The following PRELID3A variants were observed in gnomAD, a reference collection of about 807,000 sequenced individuals.
PRELID3A encodes PRELI domain containing protein 3A.
PRELID3A carries 27 observed loss-of-function variants against 23.0 expected under a neutral mutation model. The ratio of observed to expected loss-of-function variants is 1.17; its 90% CI spans 0.87 to 1.62. PRELID3A has a LOEUF of 1.62. Ranked by LOEUF, PRELID3A falls within the 40% of genes most tolerant of loss-of-function variation. The pLI is 0.00. For synonymous variants in PRELID3A, 87 were observed against 86.4 expected, an observed-to-expected ratio of 1.01 and a Z score of -0.04; for missense variants, 231 against 231.4, an observed-to-expected ratio of 1.00 and a Z score of 0.01.
rs1384024142 is a variant in PRELID3A, at chr18:12,429,415, C to CCTGTA, written c.*16_*17insACTGT. The stretch of plus-strand genomic sequence containing the variant: ...GCGCTGTGAGCTAAGGAGGCCTGTG[C>CCTGTA]CTGTGCTTGTCATAAATGGTGGTGA... On this transcript the variant is annotated 3_prime_UTR_variant, in exon 6 of 7. Transcript: ENST00000440960. 2 of 1,612,448 alleles carry CCTGTA rather than the reference C, an allele frequency of 1.2e-6. No individual in the cohort carries two copies. The highest frequency in any genetic ancestry group is 8.5e-7 in the Non-Finnish European group (1 of 1,178,824).
intron 2 of PRELID3A, among the ~76,000 whole-genome samples, chr18:12,420,898 G>A (rs1475455562): frequency 2.0e-5 from 3 of 151,892 alleles, no homozygotes; most frequent in Non-Finnish European, 4.4e-5. Context: ...CAAAGGGCCC[G>A]GGCCTGCTGG....
intron 1 of PRELID3A, chr18:12,420,102 C>G (rs1416164446): frequency 3.5e-5 from 49 of 1,418,666 alleles, no homozygotes; most frequent in Non-Finnish European, 4.5e-5. Flanking sequence ...GAGACCCTGT[C>G]TCAGACAAAC....
intron 1 of PRELID3A, among the ~76,000 whole-genome samples, chr18:12,410,221 G>A (rs966589234): frequency 3.9e-5 from 6 of 152,200 alleles, no homozygotes; most frequent in African/African-American, 1.4e-4. Flanking sequence ...GCCGGGGCCC[G>A]GCGCCTAGCA....
chr18:12,428,685 C>G (rs141656460), intron 5 of PRELID3A, among the ~76,000 whole-genome samples: 111 of 152,276 alleles, frequency 7.3e-4, no homozygotes, highest in African/African-American at 2.3e-3. Flanking sequence ...GGTAGGGCAG[C>G]GAAGGCCAAA....
At chr18:12,415,662 C>T (rs1281001065) in intron 1 of PRELID3A, among the ~76,000 whole-genome samples, 1 of 152,172 alleles carries the variant, frequency 6.6e-6, no homozygotes, top group African/African-American at 2.4e-5. Flanking sequence ...TAACAGTTAC[C>T]CTCTGGCAGC....
At chr18:12,430,678 A>AAGTG (rs1555677853) in intron 6 of PRELID3A, among the ~76,000 whole-genome samples, 1 of 149,464 alleles carries the variant, frequency 6.7e-6, no homozygotes, top group Non-Finnish European at 1.5e-5. Flanking sequence ...TATGATGTGT[A>AAGTG]TGTGATTGGT....
At chr18:12,408,553 G>C (rs545584883) in intron 1 of PRELID3A, among the ~76,000 whole-genome samples, 52 of 152,300 alleles carry the variant, frequency 3.4e-4, no homozygotes, top group Middle Eastern at 3.4e-3. Flanking sequence ...TGTAGGCATG[G>C]AAGGCCTCCA....
At chr18:12,417,655 T>C (rs559958) in intron 1 of PRELID3A, among the ~76,000 whole-genome samples, 3,465 of 152,324 alleles carry the variant, frequency 0.023, 133 homozygotes, top group African/African-American at 0.079. Flanking sequence ...GACTATTCAT[T>C]GAGGAGGCTC....
At chr18:12,429,025 G>A (rs990621420) in intron 5 of PRELID3A, among the ~76,000 whole-genome samples, 3 of 152,220 alleles carry the variant, frequency 2.0e-5, no homozygotes, top group African/African-American at 4.8e-5. Context: ...TTGGGGGTGC[G>A]TGGAGGTGTC....
intron 6 of PRELID3A, among the ~76,000 whole-genome samples, chr18:12,429,659 C>A (rs1275515132): frequency 6.6e-6 from 1 of 152,220 alleles, no homozygotes. Context: ...GCTTGAGCTG[C>A]GGCCCTCTGG....
chr18:12,422,868 C>T (rs1350340309), intron 3 of PRELID3A, among the ~76,000 whole-genome samples: 1 of 152,240 alleles, frequency 6.6e-6, no homozygotes, highest in Non-Finnish European at 1.5e-5. Context: ...CATCTGGCCT[C>T]ACTTTTCTGT....
chr18:12,418,603 C>G (rs1455868136), intron 1 of PRELID3A, among the ~76,000 whole-genome samples: 17 of 152,252 alleles, frequency 1.1e-4, no homozygotes, highest in Admixed American at 1.1e-3. Context: ...TCTCTGGGCA[C>G]TTCTGAAGAA....
intron 6 of PRELID3A, among the ~76,000 whole-genome samples, chr18:12,429,784 G>A (rs555383162): frequency 2.6e-5 from 4 of 152,228 alleles, no homozygotes; most frequent in Non-Finnish European, 5.9e-5. Flanking sequence ...CTGACAGGGC[G>A]CTGTCCTTTG....
intron 1 of PRELID3A, chr18:12,410,617 CCTTT>C (rs796642514): frequency 2.0e-5 from 3 of 152,190 alleles, no homozygotes; most frequent in African/African-American, 7.2e-5. Context: ...GGATTATAGA[CCTTT>C]CTTTTTCTTT....
intron 1 of PRELID3A, among the ~76,000 whole-genome samples, chr18:12,416,256 G>T (rs1054809885): frequency 2.0e-5 from 3 of 152,012 alleles, no homozygotes; most frequent in Non-Finnish European, 4.4e-5. Context: ...GTCTATTTTT[G>T]CCCATTGAAA....
intron 1 of PRELID3A, among the ~76,000 whole-genome samples, chr18:12,411,127 A>G (rs966051019): frequency 1.3e-5 from 2 of 152,128 alleles, no homozygotes; most frequent in African/African-American, 2.4e-5. Context: ...GCCCGGGGAA[A>G]GGCCACTGAA....
rs867131027 is a variant in PRELID3A, at chr18:12,424,862, G to A, written c.292-2179G>A. On this transcript the variant is annotated intron_variant, in intron 3 of 6. Transcript: ENST00000440960. The stretch of plus-strand genomic sequence containing the variant: ...ATTTTAAGCTATTTATGGCCAGTGC[G>A]GTGGCCCACGCCTGTAATCCCAGCA... Among the ~76,000 whole-genome samples the A allele has an allele frequency of 5.3e-5, 8 of 152,182 alleles. No homozygotes were observed. In the South Asian group the frequency reaches 1.2e-3, roughly 24 times the overall value.
intron 3 of PRELID3A, among the ~76,000 whole-genome samples, chr18:12,424,007 C>T (rs1018844357): frequency 6.6e-6 from 1 of 152,186 alleles, no homozygotes; most frequent in Non-Finnish European, 1.5e-5. Flanking sequence ...TCCCTGTGTG[C>T]TGAGATGAGG....
chr18:12,421,788 T>TATA (rs1195166331), intron 3 of PRELID3A, among the ~76,000 whole-genome samples, 159 bp downstream of exon 3: 5 of 152,170 alleles, frequency 3.3e-5, no homozygotes, highest in African/African-American at 1.2e-4. Flanking sequence ...TTTATTCAAG[T>TATA]ATAATAAGTA....
Sources: allele counts gnomAD v4.1 joint callset (sites outside exome capture counted in the v4.1 genomes callset), GRCh38; gene constraint gnomAD v4.1.1; transcripts MANE v1.5; gene names NCBI Gene and HGNC (gene_info 2026-07-23, HGNC 2026-07-21).